The following ALDH8A1 variants were observed in gnomAD, a reference collection of about 807,000 sequenced individuals.
The protein encoded by ALDH8A1 is 2-aminomuconic semialdehyde dehydrogenase.
Under a neutral mutation model 43.3 loss-of-function variants are expected in ALDH8A1, and 39 were observed. That is an observed-to-expected ratio of 0.90 (90% confidence interval 0.70 to 1.18). The LOEUF (loss-of-function observed/expected upper bound fraction) is 1.18. Ranked by LOEUF, ALDH8A1 falls within the 50% of genes most tolerant of loss-of-function variation. ALDH8A1 has a pLI of 0.00. For synonymous variants in ALDH8A1, 233 were observed against 243.5 expected (o/e 0.96, Z 0.40); for missense variants, 605 against 622.6 (o/e 0.97, Z 0.30).
chr6:134,933,406 G>T (rs983274116), intron 4 of ALDH8A1, among the ~76,000 whole-genome samples: 1 of 152,294 alleles, frequency 6.6e-6, no homozygotes, highest in Non-Finnish European at 1.5e-5. Flanking sequence ...GCTCCATCTT[G>T]GTGTCCAGGA....
At chr6:134,927,559 A>G (rs1206572716) in intron 6 of ALDH8A1, among the ~76,000 whole-genome samples, 2 of 152,200 alleles carry the variant, frequency 1.3e-5, no homozygotes, top group African/African-American at 4.8e-5. Context: ...ACTGATACAG[A>G]AAAGTCAATA....
chr6:134,923,112 A>T (rs1255457192), intron 6 of ALDH8A1, among the ~76,000 whole-genome samples: 3 of 151,960 alleles, frequency 2.0e-5, no homozygotes, highest in Non-Finnish European at 4.4e-5. Context: ...TGCAACCTTG[A>T]CCTCCTGGGG....
At chr6:134,923,191 TA>T (rs1776833024) in intron 6 of ALDH8A1, among the ~76,000 whole-genome samples, 2 of 152,018 alleles carry the variant, frequency 1.3e-5, no homozygotes, top group Non-Finnish European at 2.9e-5. Context: ...CACGCCTGGC[TA>T]AATTTTTTTG....
chr6:134,943,991 G>T (rs1437722653), intron 1 of ALDH8A1, 25 bp from the exon 2 acceptor site: 47 of 1,609,328 alleles, frequency 2.9e-5, no homozygotes, highest in Non-Finnish European at 3.9e-5. Flanking sequence ...TGGGAGAAAG[G>T]GTCACCTTAA....
chr6:134,943,837 C>T lies in ALDH8A1; in HGVS notation c.268G>A (p.Ala90Thr), dbSNP rs1216977667. 2.5e-6 allele frequency: 4 copies of T among 1,614,038 alleles called. No homozygotes were observed. In the African/African-American group the frequency reaches 5.3e-5, roughly 22 times the overall value. Residue 90 changes from alanine to threonine, a missense_variant, in exon 2 of 7, where the codon GCC becomes ACC. By Grantham distance (58) the Ala-to-Thr change is moderately conservative (BLOSUM62 0). Coordinates refer to ENST00000265605, the MANE Select transcript of ALDH8A1 (RefSeq NM_022568.4). ...CTCTCACCTTGGTCTTTAGACTCGG[C>T]CTGGGCAAACTCCTCCAGGGACTGC... ...LEQSLEEFAQ[A>T]ESKDQGKTLA...
chr6:134,943,353 A>G (rs1044729848), intron 2 of ALDH8A1, among the ~76,000 whole-genome samples: 6 of 150,398 alleles, frequency 4.0e-5, no homozygotes, highest in East Asian at 2.0e-4. Context: ...AAAGAGTGGG[A>G]AAAAAAAATG....
chr6:134,939,307 G>A lies in ALDH8A1; in HGVS notation c.551C>T (p.Ser184Leu). 1 of 1,614,230 alleles carries A rather than the reference G, an allele frequency of 6.2e-7. No individual in the cohort carries two copies. Among genetic ancestry groups the A allele is most frequent in the African/African-American group, 1.3e-5 (1 of 75,056 alleles). ...TTTGCACAACATCCACGCAGTCACTGAAGTCAGCTCACTGGGCTTGGCTAT... is the reference window on the plus strand; with the variant it reads ...TTTGCACAACATCCACGCAGTCACTAAAGTCAGCTCACTGGGCTTGGCTAT... ...TVIAKPSELT[S>L]VTAWMLCKLL... The change falls in exon 4 of 7, where the codon TCA becomes TTA. Residue 184 changes from serine to leucine, a missense_variant. By Grantham distance (145) the Ser-to-Leu change is moderately radical (BLOSUM62 -2). Transcript: ENST00000265605.
At chr6:134,936,322 C>G (rs1183738231) in intron 4 of ALDH8A1, among the ~76,000 whole-genome samples, 1 of 152,190 alleles carries the variant, frequency 6.6e-6, no homozygotes, top group South Asian at 2.1e-4. Context: ...TTAGGTCAGT[C>G]CTGGATTGTA....
rs1444005784 is a variant in ALDH8A1 at position 134,933,262 on chromosome 6, G to A, written c.593-230C>T. Among the ~76,000 whole-genome samples, 3 of 152,168 alleles carry A rather than the reference G, an allele frequency of 2.0e-5. No homozygotes were observed. The East Asian group carries it at 5.8e-4, about 29-fold the overall frequency. On this transcript the variant is annotated intron_variant, in intron 4 of 6. Transcript: ENST00000265605. ...GTAAACACCAGGTGGGATTCCACTG[G>A]ATGCTTTGCCCTAGAGAGATGCAGG...
intron 2 of ALDH8A1, 37 bp downstream of exon 2, chr6:134,943,782 C>A (rs757385193): frequency 1.2e-6 from 2 of 1,606,782 alleles, no homozygotes; most frequent in African/African-American, 1.3e-5. Flanking sequence ...TCAGAGATGC[C>A]CTGAGTCCCA....
intron 4 of ALDH8A1, among the ~76,000 whole-genome samples, chr6:134,934,128 C>G (rs1387402660): frequency 2.0e-5 from 3 of 152,158 alleles, no homozygotes; most frequent in Non-Finnish European, 4.4e-5. Flanking sequence ...GTGCCACAGC[C>G]TAGTTTGGCA....
At chr6:134,927,591 T>C (rs1038356927) in intron 6 of ALDH8A1, among the ~76,000 whole-genome samples, 5 of 152,266 alleles carry the variant, frequency 3.3e-5, no homozygotes, top group Admixed American at 2.6e-4. Context: ...TTCACTAATA[T>C]ATATTCTCTC....
intron 1 of ALDH8A1, among the ~76,000 whole-genome samples, chr6:134,948,863 T>C (rs1477315209): frequency 6.6e-6 from 1 of 152,230 alleles, no homozygotes; most frequent in Non-Finnish European, 1.5e-5. Context: ...TAACTTCACT[T>C]TGGCAAACAA....
chr6:134,937,854 C>T (rs1183705217), intron 4 of ALDH8A1, among the ~76,000 whole-genome samples: 17 of 152,118 alleles, frequency 1.1e-4, no homozygotes, highest in Non-Finnish European at 1.6e-4. Flanking sequence ...TGATATACCC[C>T]GCCCCACCCC....
In ALDH8A1 at chr6:134,917,765, C is replaced by T. The variant is rs1776729477; in HGVS notation, c.*650G>A. On this transcript the variant is annotated 3_prime_UTR_variant, in exon 7 of 7. Coordinates refer to ENST00000265605, the MANE Select transcript of ALDH8A1 (RefSeq NM_022568.4). ...TTATGGCTATTTATTTTTGGTTTTGCAGCATTTTTTTTTTAAAGACAAGGT... is the reference window on the plus strand; with the variant it reads ...TTATGGCTATTTATTTTTGGTTTTGTAGCATTTTTTTTTTAAAGACAAGGT... 6.6e-6 allele frequency: 1 copy of T among 150,676 alleles called. No individual in the cohort carries two copies. Among genetic ancestry groups the T allele is most frequent in the Admixed American group, 6.6e-5 (1 of 15,228 alleles). The allele number at this position is 150,676 out of a possible 1,614,324, so 9.3% of individuals were successfully genotyped here.
intron 1 of ALDH8A1, among the ~76,000 whole-genome samples, chr6:134,947,836 A>T (rs1392156128): frequency 1.6e-5 from 2 of 125,332 alleles, no homozygotes; most frequent in African/African-American, 7.0e-5. Context: ...AAACGCATGT[A>T]GGTTTCTCAA....
At chr6:134,949,803 A>T in intron 1 of ALDH8A1, 113 bp downstream of exon 1, 1 of 1,235,552 alleles carries the variant, frequency 8.1e-7, no homozygotes, top group Non-Finnish European at 1.1e-6. Context: ...TCCTTCTATC[A>T]TGTTTAACAA....
intron 6 of ALDH8A1, among the ~76,000 whole-genome samples, chr6:134,927,333 C>T (rs997698391): frequency 6.6e-6 from 1 of 152,004 alleles, no homozygotes; most frequent in Non-Finnish European, 1.5e-5. Context: ...AAGAAGAAGC[C>T]TCCTGTGGCC....
chr6:134,921,544 A>G (rs1776799863), intron 6 of ALDH8A1, among the ~76,000 whole-genome samples: 1 of 152,250 alleles, frequency 6.6e-6, no homozygotes, highest in African/African-American at 2.4e-5. Flanking sequence ...ACCTCCGTTT[A>G]GGAGCATGCT....
Sources: gnomAD v4.1 joint callset for allele counts (sites outside exome capture counted in the v4.1 genomes callset) on GRCh38, gnomAD v4.1.1 for gene constraint, MANE v1.5 for transcripts, NCBI Gene and HGNC (gene_info 2026-07-23, HGNC 2026-07-21) for gene names.